Variants in PCYT1B observed in about 807,000 individuals in gnomAD.
PCYT1B encodes the protein phosphate cytidylyltransferase 1B, choline, also known as choline-phosphate cytidylyltransferase B.
A neutral mutation model predicts 26.4 loss-of-function variants in PCYT1B; 10 were observed. The observed-to-expected ratio is 0.38, with a 90% confidence interval of 0.23 to 0.64. The LOEUF is 0.64. PCYT1B is among the 30% of genes least tolerant of loss of function. The pLI, the probability that PCYT1B is intolerant of heterozygous loss-of-function variation, is 0.56. For synonymous variants in PCYT1B, 131 were observed against 108.4 expected (o/e 1.21, Z -1.29); for missense variants, 161 against 292.7 (o/e 0.55, Z 3.28).
Position 24,670,750 on chromosome X carries a change from G to C in PCYT1B, c.63+1820C>G, listed in dbSNP as rs752014034. Among the ~76,000 whole-genome samples, 5 of 111,139 alleles carry C rather than the reference G, an allele frequency of 4.5e-5. No homozygotes were observed. The East Asian group carries it at 1.1e-3, about 25-fold the overall frequency. On this transcript the variant is annotated intron_variant, in intron 1 of 7. Coordinates refer to the PCYT1B transcript ENST00000379145. ...ATACAATTACATAAAATAAGCCATG[G>C]AAAGTACTTAGCCCGGGACATGTCA...
chrX:24,614,780 G>T (rs1038913056), intron 2 of PCYT1B, among the ~76,000 whole-genome samples: 1 of 111,832 alleles, frequency 8.9e-6, no homozygotes, highest in African/African-American at 3.2e-5. Flanking sequence ...TTTCTTAAAT[G>T]GTAATCAAAC....
intron 1 of PCYT1B, among the ~76,000 whole-genome samples, chrX:24,662,832 G>T (rs1927055092): frequency 8.9e-6 from 1 of 112,021 alleles, no homozygotes; most frequent in African/African-American, 3.2e-5. Flanking sequence ...TTTTTGGTAT[G>T]TGGGACAAGC....
chrX:24,562,261 T>G lies in PCYT1B; in HGVS notation c.*32A>C, dbSNP rs1923446670. On this transcript the variant is annotated 3_prime_UTR_variant, in exon 8 of 8. Coordinates refer to ENST00000379144, the MANE Select transcript of PCYT1B (RefSeq NM_004845.5). ...GTGACTCTCGCCCTCCTCCCCATCCTGCATGGTGCGGCTCTTGCCTCCCAG... is the reference window on the plus strand; with the variant it reads ...GTGACTCTCGCCCTCCTCCCCATCCGGCATGGTGCGGCTCTTGCCTCCCAG... 2 of 1,161,376 alleles carry G rather than the reference T, an allele frequency of 1.7e-6. No homozygotes were observed. The highest frequency in any genetic ancestry group is 1.8e-5 in the African/African-American group (1 of 56,770).
chrX:24,639,480 C>T (rs956973046), intron 1 of PCYT1B, among the ~76,000 whole-genome samples: 5 of 111,120 alleles, frequency 4.5e-5, no homozygotes, highest in African/African-American at 1.6e-4. Flanking sequence ...GTCCCAGAGG[C>T]CACAACGAAG....
At position 24,562,523 on chromosome X, in the gene PCYT1B, A is replaced by G; in HGVS notation, c.898-18T>C. The stretch of plus-strand genomic sequence containing the variant: ...ATCTGCTTCTAAAGATAAATTGGAG[A>G]GAAGGCATCTGTTAACTTTGCAATC... On this transcript the variant is annotated intron_variant, in intron 7 of 7. Coordinates refer to ENST00000379144, the MANE Select transcript of PCYT1B (RefSeq NM_004845.5). The G allele has an allele frequency of 8.5e-7, 1 of 1,178,368 alleles. No homozygotes were observed. The highest frequency in any genetic ancestry group is 1.1e-6 in the Non-Finnish European group (1 of 874,098).
At chrX:24,615,597 T>C (rs989086988) in intron 2 of PCYT1B, among the ~76,000 whole-genome samples, 5 of 110,291 alleles carry the variant, frequency 4.5e-5, no homozygotes, top group African/African-American at 3.3e-5. Context: ...CCCAAGTAGC[T>C]GGGACTACAG....
rs1249407836 is a variant in PCYT1B at position 24,647,190 on chromosome X, C to T, written c.-85G>A. ...TGTTTTCTTTGTCACGTATTTTTCT[C>T]CCCTCTACCCTCCACCCATCCCCCC... is the stretch of plus-strand genomic sequence containing the variant. On this transcript the variant is annotated 5_prime_UTR_variant, in exon 1 of 8. Transcript: ENST00000379144. 2.7e-6 allele frequency: 3 copies of T among 1,128,324 alleles called. No homozygotes were observed. The highest frequency in any genetic ancestry group is 3.5e-6 in the Non-Finnish European group (3 of 853,984). 93.0% of individuals were successfully genotyped at this position (1,128,324 alleles called of 1,213,427 possible).
chrX:24,670,313 A>G (rs1014160469), intron 1 of PCYT1B, among the ~76,000 whole-genome samples: 1 of 112,257 alleles, frequency 8.9e-6, no homozygotes, highest in African/African-American at 3.2e-5. Context: ...GGTAGTTTCC[A>G]TTTCCTGAGA....
chrX:24,625,756 A>G (rs1454801088), intron 1 of PCYT1B, among the ~76,000 whole-genome samples: 2 of 98,794 alleles, frequency 2.0e-5, no homozygotes, highest in African/African-American at 7.5e-5. Context: ...GATGTCATTT[A>G]TAGTAAAAAG....
chrX:24,624,883 A>ATACCTTTGTAAGTAT (rs1391340438), intron 1 of PCYT1B, among the ~76,000 whole-genome samples: 1 of 112,529 alleles, frequency 8.9e-6, no homozygotes, highest in Non-Finnish European at 1.9e-5. Flanking sequence ...AACCCTGCCC[A>ATACCTTTGTAAGTAT]TACCTTTGTA....
At chrX:24,568,544 C>A (rs1402050562) in intron 7 of PCYT1B, among the ~76,000 whole-genome samples, 1 of 110,518 alleles carries the variant, frequency 9.0e-6, no homozygotes, top group Non-Finnish European at 1.9e-5. Flanking sequence ...AAAGGAAGAC[C>A]CTGTCTCAAA....
Position 24,647,296 on chromosome X carries a change from A to G in PCYT1B, c.-191T>C. 1 of 988,429 alleles carries G rather than the reference A, an allele frequency of 1.0e-6. No individual in the cohort carries two copies. 81.5% of individuals were successfully genotyped at this position (988,429 alleles called of 1,213,427 possible). On this transcript the variant is annotated 5_prime_UTR_variant, in exon 1 of 8. Transcript: ENST00000379144. ...GCCCCTCTCTCTCTCTCTCTCTCCC[A>G]GAAGCCAAGAGGCAAGGCCTCAGTT...
At chrX:24,620,000 G>T (rs1209495307) in intron 1 of PCYT1B, among the ~76,000 whole-genome samples, 1 of 112,799 alleles carries the variant, frequency 8.9e-6, no homozygotes, top group Non-Finnish European at 1.9e-5. Context: ...TGCCGTGATT[G>T]CAGTCACCAC....
intron 1 of PCYT1B, among the ~76,000 whole-genome samples, chrX:24,631,365 A>T (rs1382452281): frequency 9.0e-6 from 1 of 111,404 alleles, no homozygotes; most frequent in Non-Finnish European, 1.9e-5. Context: ...TTTCTCCCTG[A>T]TGGTTGGATC....
intron 4 of PCYT1B, 102 bp downstream of exon 4, chrX:24,589,921 T>C: frequency 1.4e-6 from 1 of 697,074 alleles, no homozygotes; most frequent in East Asian, 3.4e-5. Flanking sequence ...TGAAGTTACC[T>C]CTTTTAGAAA....
chrX:24,616,093 G>A (rs1052822094), intron 2 of PCYT1B, among the ~76,000 whole-genome samples: 2 of 110,804 alleles, frequency 1.8e-5, no homozygotes, highest in East Asian at 2.8e-4. Flanking sequence ...GCATCACATC[G>A]AGCAGATATA....
rs1359731007 is a variant in PCYT1B at position 24,608,427 on chromosome X, G to C, written c.218-566C>G. On this transcript the variant is annotated intron_variant, in intron 2 of 7. Transcript: ENST00000379144. Reference sequence around the variant, plus strand: ...ACAAATCAGGGCTTATTTCCCGCTAGAGGACCAGCTGTTAAACCTTTACTA... The same window carrying C: ...ACAAATCAGGGCTTATTTCCCGCTACAGGACCAGCTGTTAAACCTTTACTA... Among the ~76,000 whole-genome samples, 8 of 111,823 alleles carry C rather than the reference G, an allele frequency of 7.2e-5. No homozygotes were observed. The Admixed American group carries it at 7.7e-4, about 11-fold the overall frequency.
chrX:24,559,878 T>C lies in PCYT1B; in HGVS notation c.*2415A>G, dbSNP rs944763907. 1 of 111,484 alleles carries C rather than the reference T, an allele frequency of 9.0e-6. No individual in the cohort carries two copies. Among genetic ancestry groups the C allele is most frequent in the African/African-American group, 3.3e-5 (1 of 30,634 alleles). 9.2% of individuals were successfully genotyped at this position (111,484 alleles called of 1,213,427 possible). ...ATCCTTCCCATTCCTTCTCAGTAGA[T>C]TTGCAGCCTCAAGAGGGTGGAACGG... On this transcript the variant is annotated 3_prime_UTR_variant, in exon 8 of 8. Transcript: ENST00000379144.
intron 1 of PCYT1B, among the ~76,000 whole-genome samples, chrX:24,656,230 G>C (rs1190393532): frequency 2.1e-4 from 5 of 23,265 alleles, no homozygotes; most frequent in East Asian, 2.0e-3. Context: ...AGGGGGTCGC[G>C]GGGGGGGGTG....
Sources: gnomAD v4.1 joint callset for allele counts (sites outside exome capture counted in the v4.1 genomes callset) on GRCh38, gnomAD v4.1.1 for gene constraint, MANE v1.5 for transcripts, NCBI Gene and HGNC (gene_info 2026-07-23, HGNC 2026-07-21) for gene names.